TLE1: variants seen among roughly 807,000 people sequenced by gnomAD.
TLE1 encodes the protein transducin-like enhancer protein 1.
In TLE1, 21 loss-of-function variants were observed where a neutral mutation model predicts 89.8. The observed-to-expected ratio is 0.23, with a 90% CI of 0.17 to 0.34. The LOEUF is 0.34. TLE1 is among the 10% of genes least tolerant of loss of function. The probability of loss-of-function intolerance (pLI) is 1.00; values close to 1 mark genes in which losing one functional copy is unlikely to be tolerated. For missense variants in TLE1, 795 were observed against 1,031.2 expected (o/e 0.77, Z 3.14); for synonymous variants, 447 against 407.6 (o/e 1.10, Z -1.16).
chr9:81,585,799 G>A, intron 17 of TLE1, 144 bp from the exon 18 acceptor site: 1 of 978,316 alleles, frequency 1.0e-6, no homozygotes, highest in East Asian at 2.6e-5. Flanking sequence ...CAGGGCAAGT[G>A]ATCTAACGCA....
At chr9:81,688,121 T>C in intron 1 of TLE1, 96 bp downstream of exon 1, 2 of 1,498,772 alleles carry the variant, frequency 1.3e-6, no homozygotes, top group Middle Eastern at 1.7e-4. Context: ...GGCGAGAAGG[T>C]CCGCCGGGCC....
At chr9:81,664,623 G>A (rs77798267) in intron 4 of TLE1, among the ~76,000 whole-genome samples, 13 of 151,986 alleles carry the variant, frequency 8.6e-5, no homozygotes, top group African/African-American at 2.7e-4. Flanking sequence ...GCACTTTTGC[G>A]GGGCTGAGGC....
chr9:81,638,255 C>G (rs572456793), intron 6 of TLE1, among the ~76,000 whole-genome samples: 37 of 152,316 alleles, frequency 2.4e-4, no homozygotes, highest in Admixed American at 8.5e-4. Flanking sequence ...CCCTTGCCCC[C>G]AGCTCTCTTC....
intron 11 of TLE1, among the ~76,000 whole-genome samples, chr9:81,614,389 C>G (rs1386154217): frequency 6.6e-6 from 1 of 152,090 alleles, no homozygotes; most frequent in Admixed American, 6.6e-5. Context: ...CAAAGTGGAC[C>G]CACCAGTGCA....
chr9:81,644,108 T>C (rs911759222), intron 6 of TLE1, among the ~76,000 whole-genome samples: 3 of 152,224 alleles, frequency 2.0e-5, no homozygotes, highest in African/African-American at 4.8e-5. Context: ...CCAGAGATCA[T>C]GTAGAGAAAT....
At chr9:81,618,586 T>C (rs1391260922) in intron 9 of TLE1, among the ~76,000 whole-genome samples, 1 of 152,212 alleles carries the variant, frequency 6.6e-6, no homozygotes, top group African/African-American at 2.4e-5. Context: ...AAATAAATAT[T>C]TTCATGCAAT....
chr9:81,608,476 T>C (rs1405128283), intron 14 of TLE1, among the ~76,000 whole-genome samples: 1 of 152,126 alleles, frequency 6.6e-6, no homozygotes, highest in Non-Finnish European at 1.5e-5. Context: ...ATTGTGCCAC[T>C]GCATTTCAGC....
intron 14 of TLE1, among the ~76,000 whole-genome samples, chr9:81,596,336 C>T (rs143294749): frequency 6.6e-6 from 1 of 152,118 alleles, no homozygotes; most frequent in Non-Finnish European, 1.5e-5. Flanking sequence ...TCACAGGGGG[C>T]CTCGCAGGAA....
chr9:81,629,206 A>AT (rs1234207556), intron 8 of TLE1, among the ~76,000 whole-genome samples: 1 of 152,178 alleles, frequency 6.6e-6, no homozygotes, highest in African/African-American at 2.4e-5. Flanking sequence ...CCTATTATAA[A>AT]TTTTTTTAAA....
intron 4 of TLE1, among the ~76,000 whole-genome samples, chr9:81,676,632 G>A (rs1832938445): frequency 6.6e-6 from 1 of 152,202 alleles, no homozygotes; most frequent in Non-Finnish European, 1.5e-5. Flanking sequence ...GGTAGACACA[G>A]CAGGCTATGA....
At position 81,680,681 on chromosome 9, in the gene TLE1, T is replaced by C. The variant is rs142459749; in HGVS notation, c.234+4995A>G. On this transcript the variant is annotated intron_variant, in intron 4 of 19. Transcript: ENST00000376499. ...AAGGCTAATCTTGCACCTCGGAATC[T>C]AGGCTCTAAATGCAGAGAGCTTTCT... Among the ~76,000 whole-genome samples the C allele has an allele frequency of 3.8e-3, 585 of 152,218 alleles. 5 individuals carry two copies. The highest frequency in any genetic ancestry group is 0.013 in the African/African-American group (557 of 41,544).
intron 11 of TLE1, 106 bp downstream of exon 11, chr9:81,615,876 C>T (rs1824440956): frequency 7.1e-7 from 1 of 1,411,354 alleles, no homozygotes; most frequent in African/African-American, 1.4e-5. Flanking sequence ...CTTAAAAATA[C>T]AACCCTCAAG....
At chr9:81,634,698 T>G (rs548548616) in intron 6 of TLE1, among the ~76,000 whole-genome samples, 46 of 152,216 alleles carry the variant, frequency 3.0e-4, no homozygotes, top group African/African-American at 1.1e-3. Context: ...ATCCAGCATG[T>G]CACTCAATCT....
intron 6 of TLE1, 103 bp downstream of exon 6, chr9:81,652,111 A>ACACACACG: frequency 9.9e-7 from 1 of 1,005,804 alleles, no homozygotes; most frequent in Non-Finnish European, 1.5e-6. Context: ...TAAGATACAC[A>ACACACACG]CACACACACA....
chr9:81,584,550 T>C, intron 18 of TLE1, 26 bp from the exon 19 acceptor site: 1 of 1,608,018 alleles, frequency 6.2e-7, no homozygotes, highest in Non-Finnish European at 8.5e-7. Context: ...GAATATCTAG[T>C]TTTCACAAGG....
chr9:81,596,669 C>T (rs1830258429), intron 14 of TLE1, among the ~76,000 whole-genome samples: 2 of 152,088 alleles, frequency 1.3e-5, no homozygotes, highest in African/African-American at 4.8e-5. Context: ...AGAATGAAGC[C>T]AGATACAAAA....
chr9:81,616,508 A>G, intron 10 of TLE1, 138 bp downstream of exon 10: 1 of 783,376 alleles, frequency 1.3e-6, no homozygotes. Context: ...TACATGAGCA[A>G]CCATTAACTT....
intron 8 of TLE1, chr9:81,620,871 C>G: frequency 1.4e-6 from 1 of 733,324 alleles, no homozygotes; most frequent in Admixed American, 2.1e-5. Flanking sequence ...TGTTTTTATT[C>G]TTTCCCACTG....
intron 14 of TLE1, among the ~76,000 whole-genome samples, chr9:81,602,387 G>T (rs1470814123): frequency 6.6e-6 from 1 of 152,168 alleles, no homozygotes; most frequent in Non-Finnish European, 1.5e-5. Flanking sequence ...TCAGACTTCA[G>T]AATATTTACA....
Sources: gnomAD v4.1 joint callset for allele counts (sites outside exome capture counted in the v4.1 genomes callset) on GRCh38, gnomAD v4.1.1 for gene constraint, MANE v1.5 for transcripts, NCBI Gene and HGNC (gene_info 2026-07-23, HGNC 2026-07-21) for gene names.